The following AKAP13 variants were observed in gnomAD, a reference collection of about 807,000 sequenced individuals.
AKAP13 encodes the protein A-kinase anchor protein 13.
In AKAP13, 80 loss-of-function variants were observed where a neutral mutation model predicts 264.5. The ratio of observed to expected loss-of-function variants is 0.30; its 90% CI spans 0.25 to 0.36. AKAP13 has a LOEUF of 0.36. Among genes scored for constraint, AKAP13 ranks in the 10% least tolerant of loss-of-function variants. AKAP13 has a pLI of 1.00. For synonymous variants in AKAP13, 1,380 were observed against 1,250.2 expected (o/e 1.10, Z -2.19); for missense variants, 3,712 against 3,435.2 (o/e 1.08, Z -2.01).
chr15:85,703,216 C>G (rs17637411), intron 17 of AKAP13, among the ~76,000 whole-genome samples: 24,694 of 152,008 alleles, frequency 0.16, 2,360 homozygotes, highest in Non-Finnish European at 0.22. Context: ...TAGTTCATTG[C>G]TTATATGAGA....
At chr15:85,645,311 T>C (rs2082503294) in intron 9 of AKAP13, among the ~76,000 whole-genome samples, 1 of 152,228 alleles carries the variant, frequency 6.6e-6, no homozygotes, top group South Asian at 2.1e-4. Flanking sequence ...ATTTTTCCAC[T>C]TTGGCATATT....
At chr15:85,594,167 C>T (rs1328316876) in intron 8 of AKAP13, among the ~76,000 whole-genome samples, 2 of 152,238 alleles carry the variant, frequency 1.3e-5, no homozygotes, top group African/African-American at 2.4e-5. Context: ...TTATATCAGG[C>T]CACAGTGGTA....
chr15:85,610,192 T>C (rs890954612), intron 8 of AKAP13, among the ~76,000 whole-genome samples: 1 of 152,256 alleles, frequency 6.6e-6, no homozygotes, highest in Non-Finnish European at 1.5e-5. Flanking sequence ...GGTCAGTAAA[T>C]GTCAGCATTG....
At chr15:85,506,766 T>C (rs1054337083) in intron 2 of AKAP13, among the ~76,000 whole-genome samples, 1 of 152,140 alleles carries the variant, frequency 6.6e-6, no homozygotes, top group Non-Finnish European at 1.5e-5. Context: ...TCACCAACCA[T>C]GTACAGAAAG....
chr15:85,741,609 C>A (rs1456541712), intron 35 of AKAP13, 114 bp downstream of exon 35: 11 of 1,411,048 alleles, frequency 7.8e-6, no homozygotes, highest in Non-Finnish European at 9.2e-6. Context: ...TGGCCAGATG[C>A]TCATGCCTGT....
intron 1 of AKAP13, among the ~76,000 whole-genome samples, chr15:85,483,638 A>AAAAAAAC (rs1555434073): frequency 6.3e-5 from 7 of 110,546 alleles, no homozygotes; most frequent in Non-Finnish European, 1.1e-4. Context: ...GTCTCAAAAA[A>AAAAAAAC]AAAAAAAAAA....
In AKAP13 at chr15:85,580,116, G is replaced by C. The variant is rs1291197353; in HGVS notation, c.2048G>C (p.Cys683Ser). 6.2e-7 allele frequency: 1 copy of C among 1,614,080 alleles called. No homozygotes were observed. The highest frequency in any genetic ancestry group is 1.7e-5 in the Admixed American group (1 of 59,994). Residue 683 changes from cysteine (C) to serine (S), a missense_variant, in exon 7 of 37, where the codon TGT becomes TCT. This residue lies in a region of AKAP13 where 2,759 missense variants were observed against 2,411.7 expected (regional missense o/e 1.14). Transcript: ENST00000394518. ...AGTGGCGATTTGGTTGCAAAACTGT[G>C]TGATAACATAGTTAGCGAGTCCGAA... The part of the protein sequence containing the change: ...TSSGDLVAKL[C>S]DNIVSESEST...
intron 30 of AKAP13, among the ~76,000 whole-genome samples, chr15:85,731,313 A>T (rs980102360): frequency 6.6e-6 from 1 of 152,142 alleles, no homozygotes; most frequent in African/African-American, 2.4e-5. Context: ...GCCATTAATC[A>T]CTTACTTATA....
At position 85,655,464 on chromosome 15, in the gene AKAP13, C is replaced by T; in HGVS notation, c.4422C>T (p.Ser1474=). 1.2e-6 allele frequency: 2 copies of T among 1,614,162 alleles called. No homozygotes were observed. Residue 1474 remains serine (S), a synonymous_variant, in exon 11 of 37, where the codon TCC becomes TCT. Transcript: ENST00000394518. ...LACDITGSSS[S]TDDTASLDRH... is the part of the protein sequence containing the mutation. ...GTGATATCACCGGATCCAGTTCATC[C>T]ACCGATGACACGGCTTCACTGGACC...
chr15:85,581,840 G>C lies in AKAP13; in HGVS notation c.3772G>C (p.Ala1258Pro). The part of the protein sequence containing the change: ...IEEAASRIVD[A>P]VIEQVKAAGA... ...GGAGGCTGCCAGCCGTATAGTGGAT[G>C]CTGTCATCGAACAAGTCAAGGCCGC... The change falls in exon 7 of 37, where the codon GCT becomes CCT. Residue 1258 changes from alanine (A) to proline (P), a missense_variant. By Grantham distance (27) the Ala-to-Pro change is conservative (BLOSUM62 -1). Around this residue, in one of 3 missense-constraint regions of AKAP13, gnomAD observed 2,759 missense variants for 2,411.7 expected, o/e 1.14. Transcript: ENST00000394518. 1 of 1,614,216 alleles carries C rather than the reference G, an allele frequency of 6.2e-7. No individual in the cohort carries two copies. The highest frequency in any genetic ancestry group is 8.5e-7 in the Non-Finnish European group (1 of 1,180,030).
intron 1 of AKAP13, among the ~76,000 whole-genome samples, chr15:85,385,338 G>T (rs2070503369): frequency 6.6e-6 from 1 of 152,054 alleles, no homozygotes; most frequent in African/African-American, 2.4e-5. Context: ...AGTTCACTCA[G>T]CACATCATTA....
chr15:85,496,360 T>C (rs1046179638), intron 2 of AKAP13, among the ~76,000 whole-genome samples: 1 of 152,202 alleles, frequency 6.6e-6, no homozygotes, highest in African/African-American at 2.4e-5. Flanking sequence ...ACTTGGACTT[T>C]GCGCGTAGAT....
chr15:85,695,781 A>G (rs1050411614), intron 17 of AKAP13, among the ~76,000 whole-genome samples: 2 of 152,198 alleles, frequency 1.3e-5, no homozygotes, highest in Non-Finnish European at 2.9e-5. Context: ...AGCCACTACC[A>G]CATAATAATA....
Position 85,613,679 on chromosome 15 carries a change from T to TAA in AKAP13, c.4162-25683_4162-25682dup, listed in dbSNP as rs762473477. 5.7e-4 allele frequency among the ~76,000 whole-genome samples: 59 copies of TAA among 103,310 alleles called. 3 individuals carry two copies. The highest frequency in any genetic ancestry group is 2.0e-3 in the African/African-American group (56 of 28,684). 67.8% of individuals were successfully genotyped at this position (103,310 alleles called of 152,430 possible). A position where few individuals can be genotyped will look rare whatever the true frequency, so the allele number is the denominator to read the frequency against. On this transcript the variant is annotated intron_variant, in intron 8 of 36. Coordinates refer to ENST00000394518, the MANE Select transcript of AKAP13 (RefSeq NM_007200.5). ...CTGGGCAACAGAGCCAGACTCCGTCTAAAAAAAAAAAAATATATATATATA... is the reference window on the plus strand; with the variant it reads ...CTGGGCAACAGAGCCAGACTCCGTCTAAAAAAAAAAAAAAATATATATATATA...
intron 2 of AKAP13, among the ~76,000 whole-genome samples, chr15:85,494,469 A>G (rs539816251): frequency 6.6e-6 from 1 of 152,310 alleles, no homozygotes; most frequent in Admixed American, 6.5e-5. Flanking sequence ...TGAATCCCAT[A>G]CTTGATATGC....
rs1226404498 is a variant in AKAP13, at chr15:85,747,642, G to A, written c.*2965G>A. The A allele has an allele frequency of 6.6e-6, 1 of 152,566 alleles. No homozygotes were observed. Among genetic ancestry groups the A allele is most frequent in the Non-Finnish European group, 1.5e-5 (1 of 68,032 alleles). 9.5% of individuals were successfully genotyped at this position (152,566 alleles called of 1,614,324 possible). On this transcript the variant is annotated 3_prime_UTR_variant, in exon 37 of 37. Coordinates refer to ENST00000394518, the MANE Select transcript of AKAP13 (RefSeq NM_007200.5). ...ATGTGCACTTTAAATGCTCTCATCG[G>A]TTGGCTTCATTTTCAAGACAATCAA...
chr15:85,670,362 A>G (rs1016143202), intron 14 of AKAP13, among the ~76,000 whole-genome samples: 1 of 151,836 alleles, frequency 6.6e-6, no homozygotes. Flanking sequence ...TTATATTACC[A>G]TAGTATATGG....
At chr15:85,537,335 A>G (rs2077435228) in intron 4 of AKAP13, among the ~76,000 whole-genome samples, 1 of 152,244 alleles carries the variant, frequency 6.6e-6, no homozygotes. Flanking sequence ...AATACAGGTA[A>G]ATAAGGCACC....
chr15:85,632,396 C>A (rs1039091454), intron 8 of AKAP13, among the ~76,000 whole-genome samples: 10 of 152,128 alleles, frequency 6.6e-5, no homozygotes, highest in Admixed American at 6.5e-4. Flanking sequence ...GAGACATTAT[C>A]TTTATAATAC....
Sources: gnomAD v4.1 joint callset for allele counts (sites outside exome capture counted in the v4.1 genomes callset) on GRCh38, gnomAD v4.1.1 for gene constraint, gnomAD v4.1.1 regional missense constraint, MANE v1.5 for transcripts, NCBI Gene and HGNC (gene_info 2026-07-23, HGNC 2026-07-21) for gene names.